Variants in OSBPL9 observed in about 807,000 individuals in gnomAD.
OSBPL9 encodes the protein oxysterol binding protein like 9.
OSBPL9 carries 40 observed loss-of-function variants against 106.6 expected under a neutral mutation model. The ratio of observed to expected loss-of-function variants is 0.38; its 90% CI spans 0.29 to 0.49. The LOEUF (loss-of-function observed/expected upper bound fraction) is 0.49. OSBPL9 is among the 20% of genes least tolerant of loss of function. OSBPL9 has a pLI of 0.97. For synonymous variants in OSBPL9, 269 were observed against 295.4 expected, an observed-to-expected ratio of 0.91 and a Z score of 0.92; for missense variants, 609 against 887.2, an observed-to-expected ratio of 0.69 and a Z score of 3.98.
chr1:51,655,815 C>T (rs796324833), intron 2 of OSBPL9, among the ~76,000 whole-genome samples: 3 of 152,300 alleles, frequency 2.0e-5, no homozygotes, highest in African/African-American at 7.2e-5. Context: ...AGATAATACT[C>T]TTCTTGCAGA....
chr1:51,781,307 C>T lies in OSBPL9; in HGVS notation c.1400C>T (p.Thr467Ile), dbSNP rs1363140459. Residue 467 changes from threonine (T) to isoleucine (I), a missense_variant, in exon 16 of 24, where the codon ACA (threonine) becomes ATA (isoleucine). Around this residue, in one of 5 missense-constraint regions of OSBPL9, gnomAD observed 356 missense variants for 505.8 expected, o/e 0.70. Coordinates refer to ENST00000428468, the MANE Select transcript of OSBPL9 (RefSeq NM_024586.6). The part of the protein sequence containing the change: ...ILGEIFQCHW[T>I]LPNDTEENTE... ...GGCGAGATTTTTCAGTGTCATTGGA[C>T]ATTACCAAATGATACTGAAGAGAAC... The T allele has an allele frequency of 2.5e-6, 4 of 1,614,114 alleles. No homozygotes were observed. Among genetic ancestry groups the T allele is most frequent in the Non-Finnish European group, 3.4e-6 (4 of 1,180,014 alleles).
chr1:51,562,865 C>T, the OSBPL9 span, among the ~76,000 whole-genome samples: 1 of 152,158 alleles, frequency 6.6e-6, no homozygotes, highest in African/African-American at 2.4e-5. Flanking sequence ...ACACTGATTC[C>T]TTTCGTTCTT....
intron 1 of OSBPL9, among the ~76,000 whole-genome samples, chr1:51,595,750 A>G (rs905276777): frequency 6.6e-6 from 1 of 152,172 alleles, no homozygotes; most frequent in Non-Finnish European, 1.5e-5. Flanking sequence ...TGTGCTAAGC[A>G]CTGCACCAGG....
chr1:51,609,389 G>T, intron 2 of OSBPL9, among the ~76,000 whole-genome samples: 1 of 148,664 alleles, frequency 6.7e-6, no homozygotes. Flanking sequence ...TGTCGCCCAG[G>T]TTGGAGTGCA....
chr1:51,590,052 A>G (rs898660844), intron 1 of OSBPL9, among the ~76,000 whole-genome samples: 34 of 151,110 alleles, frequency 2.3e-4, no homozygotes, highest in South Asian at 8.4e-4. Flanking sequence ...AAAAAAAAAA[A>G]AGAGAGAGGT....
intron 4 of OSBPL9, chr1:51,740,014 C>A: frequency 1.9e-6 from 2 of 1,053,398 alleles, no homozygotes; most frequent in African/African-American, 1.7e-5. Context: ...TTGCCACTTG[C>A]TGCTCATGTA....
At chr1:51,621,497 C>T (rs1243013495) in intron 1 of OSBPL9, among the ~76,000 whole-genome samples, 4 of 147,714 alleles carry the variant, frequency 2.7e-5, no homozygotes, top group Non-Finnish European at 5.9e-5. Flanking sequence ...CAAAGCAAGA[C>T]TCCGTCTCAA....
chr1:51,555,901 A>G, the OSBPL9 span, among the ~76,000 whole-genome samples: 63 of 152,352 alleles, frequency 4.1e-4, no homozygotes, highest in Admixed American at 4.0e-3. Flanking sequence ...CATGTACTAT[A>G]GTTCTCTATT....
intron 1 of OSBPL9, among the ~76,000 whole-genome samples, chr1:51,581,385 A>G (rs2148599032): frequency 6.6e-6 from 1 of 152,334 alleles, no homozygotes; most frequent in East Asian, 1.9e-4. Flanking sequence ...GTTAACACCA[A>G]TCACCTGACT....
At chr1:51,707,167 C>A in intron 3 of OSBPL9, 1 of 397,964 alleles carries the variant, frequency 2.5e-6, no homozygotes, top group Non-Finnish European at 5.1e-6. Flanking sequence ...ACCATGAGGT[C>A]CACCACCCTG....
chr1:51,610,189 C>G (rs1643976808), intron 2 of OSBPL9, among the ~76,000 whole-genome samples: 1 of 152,152 alleles, frequency 6.6e-6, no homozygotes, highest in African/African-American at 2.4e-5. Context: ...TTAGCTCTAT[C>G]TGGGGGTGGG....
intron 2 of OSBPL9, among the ~76,000 whole-genome samples, chr1:51,665,175 G>A (rs182183879): frequency 1.8e-3 from 280 of 152,200 alleles, no homozygotes; most frequent in African/African-American, 6.2e-3. Flanking sequence ...ACAGAGTTTC[G>A]CTCTTGTTTC....
chr1:51,625,461 G>T (rs748977157), intron 1 of OSBPL9, among the ~76,000 whole-genome samples: 1 of 151,796 alleles, frequency 6.6e-6, no homozygotes, highest in Non-Finnish European at 1.5e-5. Flanking sequence ...TACAGACAAA[G>T]AAATGGCCAC....
chr1:51,530,193 C>CAAAAAAAAAAAAAAAAAA, the OSBPL9 span, among the ~76,000 whole-genome samples: 1 of 55,636 alleles, frequency 1.8e-5, no homozygotes, highest in Admixed American at 2.3e-4. Flanking sequence ...AAAAAAAAAA[C>CAAAAAAAAAAAAAAAAAA]AAAAAAAAAA....
intron 2 of OSBPL9, among the ~76,000 whole-genome samples, chr1:51,598,645 C>T (rs1408549519): frequency 3.3e-5 from 5 of 152,112 alleles, no homozygotes; most frequent in South Asian, 2.1e-4. Context: ...TATGCTAATT[C>T]GACAACTAGT....
At chr1:51,613,832 C>A (rs1250329016), upstream of OSBPL9, among the ~76,000 whole-genome samples, 2 of 151,780 alleles carry the variant, frequency 1.3e-5, no homozygotes. Context: ...TCCTTGACCT[C>A]CTGGGCTCAA....
In OSBPL9 at chr1:51,765,817, C is replaced by G. The variant is rs1356344723; in HGVS notation, c.779-5C>G. 2 of 1,607,012 alleles carry G rather than the reference C, an allele frequency of 1.2e-6. No homozygotes were observed. Among genetic ancestry groups the G allele is most frequent in the Admixed American group, 1.7e-5 (1 of 58,604 alleles). ...TTTTTCTCTAAAACCCTTTTAACTT[C>G]CTAGGCAGTGGCCATTCACCACCGA... is the stretch of plus-strand genomic sequence containing the variant. On this transcript the variant is annotated splice_polypyrimidine_tract_variant and splice_region_variant and intron_variant, in intron 11 of 23. Coordinates refer to ENST00000428468, the MANE Select transcript of OSBPL9 (RefSeq NM_024586.6).
At chr1:51,760,945 G>A (rs1307143543) in intron 10 of OSBPL9, among the ~76,000 whole-genome samples, 165 bp downstream of exon 10, 3 of 152,190 alleles carry the variant, frequency 2.0e-5, no homozygotes, top group African/African-American at 7.2e-5. Flanking sequence ...AGATGATAAT[G>A]TTTTGATATT....
the OSBPL9 span, among the ~76,000 whole-genome samples, chr1:51,551,438 C>A: frequency 6.6e-6 from 1 of 151,982 alleles, no homozygotes; most frequent in Admixed American, 6.6e-5. Flanking sequence ...TTTTCAATTT[C>A]TTCATAAAGT....
Sources: gnomAD v4.1 joint callset for allele counts (sites outside exome capture counted in the v4.1 genomes callset) on GRCh38, gnomAD v4.1.1 for gene constraint, gnomAD v4.1.1 regional missense constraint, MANE v1.5 for transcripts, NCBI Gene and HGNC (gene_info 2026-07-23, HGNC 2026-07-21) for gene names.